The following STRBP variants were observed in gnomAD, a reference collection of about 807,000 sequenced individuals.
STRBP encodes spermatid perinuclear RNA binding protein.
Under a neutral mutation model 80.1 loss-of-function variants are expected in STRBP, and 13 were observed. The observed-to-expected ratio is 0.16, with a 90% CI of 0.11 to 0.26. The LOEUF is 0.26. Ranked by LOEUF, STRBP falls within the 10% of genes least tolerant of loss-of-function variation. The pLI, the probability that STRBP is intolerant of heterozygous loss-of-function variation, is 1.00. For synonymous variants in STRBP, 284 were observed against 291.2 expected (o/e 0.98, Z 0.25); for missense variants, 485 against 815.2 (o/e 0.59, Z 4.93).
At position 123,184,271 on chromosome 9, in the gene STRBP, G is replaced by T; in HGVS notation, c.-137C>A. On this transcript the variant is annotated 5_prime_UTR_variant, in exon 3 of 19. Coordinates refer to ENST00000348403, the MANE Select transcript of STRBP (RefSeq NM_018387.5). ...ACAGCTCAGCGTCAATATAGCAAAT[G>T]TCTGAAGGCTTGTTCTCTGGAACAC... 1 of 730,056 alleles carries T rather than the reference G, an allele frequency of 1.4e-6. No homozygotes were observed. 45.2% of individuals were successfully genotyped at this position (730,056 alleles called of 1,614,324 possible).
chr9:123,210,136 A>G (rs985378448), intron 2 of STRBP, among the ~76,000 whole-genome samples: 1 of 152,228 alleles, frequency 6.6e-6, no homozygotes, highest in African/African-American at 2.4e-5. Context: ...TATCTTCTTC[A>G]TCTATTCTAC....
chr9:123,212,284 C>T (rs1283218345), intron 2 of STRBP, among the ~76,000 whole-genome samples: 2 of 152,130 alleles, frequency 1.3e-5, no homozygotes, highest in African/African-American at 2.4e-5. Context: ...ACTTTATATT[C>T]ACCTACCTCT....
intron 5 of STRBP, among the ~76,000 whole-genome samples, chr9:123,170,494 T>C (rs1008607485): frequency 3.3e-5 from 5 of 152,202 alleles, no homozygotes; most frequent in Non-Finnish European, 4.4e-5. Context: ...CTTATGAATA[T>C]AGGATTATGG....
chr9:123,112,915 G>C (rs972696492), intron 3 of STRBP: 1 of 167,074 alleles, frequency 6.0e-6, no homozygotes, highest in African/African-American at 2.4e-5. Flanking sequence ...GCCCCAAGCC[G>C]AACTTAGATT....
chr9:123,231,139 C>T (rs1000425047), intron 2 of STRBP, among the ~76,000 whole-genome samples: 7 of 152,028 alleles, frequency 4.6e-5, no homozygotes, highest in African/African-American at 1.7e-4. Flanking sequence ...GGGTGGGATC[C>T]AGGTTATCAG....
chr9:123,169,924 G>A lies in STRBP; in HGVS notation c.513C>T (p.Asp171=), dbSNP rs1168874047. The change falls in exon 6 of 19, where the codon GAC becomes GAT. Residue 171 remains aspartate (D), a synonymous_variant. Transcript: ENST00000348403. ...KVILTSPLIR[D]ELEKKDGENV... is the part of the protein sequence containing the mutation. ...TACCTCCATCCTTCTTCTCCAATTC[G>A]TCCCTAATTAGAGGTGAGGTAAGTA... 15 of 1,566,684 alleles carry A rather than the reference G, an allele frequency of 9.6e-6. No homozygotes were observed. The highest frequency in any genetic ancestry group is 2.3e-5 in the East Asian group (1 of 43,216).
intron 13 of STRBP, among the ~76,000 whole-genome samples, chr9:123,141,245 G>T (rs185174630): frequency 6.6e-6 from 1 of 152,240 alleles, no homozygotes; most frequent in African/African-American, 2.4e-5. Context: ...CTACATAGAA[G>T]TCTGTACCAA....
At chr9:123,167,210 G>T (rs1386203054) in intron 6 of STRBP, among the ~76,000 whole-genome samples, 1 of 151,770 alleles carries the variant, frequency 6.6e-6, no homozygotes, top group African/African-American at 2.4e-5. Context: ...TGAACAGTTT[G>T]TTTGGGTGGG....
chr9:123,200,087 T>C (rs2039258924), intron 2 of STRBP, among the ~76,000 whole-genome samples: 1 of 152,194 alleles, frequency 6.6e-6, no homozygotes, highest in South Asian at 2.1e-4. Flanking sequence ...TATCATAAAG[T>C]GTGCTGGATT....
intron 2 of STRBP, among the ~76,000 whole-genome samples, chr9:123,200,923 G>C (rs942317229): frequency 6.6e-6 from 1 of 150,926 alleles, no homozygotes; most frequent in Non-Finnish European, 1.5e-5. Flanking sequence ...GCTTGTTATT[G>C]GTCTGTTCAA....
At chr9:123,200,408 A>G (rs1455320381) in intron 2 of STRBP, among the ~76,000 whole-genome samples, 1 of 151,970 alleles carries the variant, frequency 6.6e-6, no homozygotes, top group Non-Finnish European at 1.5e-5. Flanking sequence ...CTAGTTTTCT[A>G]ATTAGGGTGA....
chr9:123,243,879 G>A (rs1217143725), intron 1 of STRBP, among the ~76,000 whole-genome samples: 1 of 152,154 alleles, frequency 6.6e-6, no homozygotes, highest in Admixed American at 6.5e-5. Flanking sequence ...AAGGCTAAAT[G>A]TAGTCTTACA....
Position 123,123,922 on chromosome 9 carries a change from T to G in STRBP, c.*1675A>C. The G allele has an allele frequency of 1.0e-6, 1 of 985,432 alleles. No homozygotes were observed. The highest frequency in any genetic ancestry group is 1.2e-6 in the Non-Finnish European group (1 of 829,938). 61.0% of individuals were successfully genotyped at this position (985,432 alleles called of 1,614,324 possible). On this transcript the variant is annotated 3_prime_UTR_variant, in exon 19 of 19. Coordinates refer to ENST00000348403, the MANE Select transcript of STRBP (RefSeq NM_018387.5). ...GCTGAAATGGGCCCTCTTGTTTATG[T>G]CTAGCCACTAATGCACAGGATGAGA... is the stretch of plus-strand genomic sequence containing the variant.
chr9:123,251,005 T>C (rs2040903035), intron 1 of STRBP, among the ~76,000 whole-genome samples: 2 of 152,086 alleles, frequency 1.3e-5, no homozygotes, highest in African/African-American at 2.4e-5. Context: ...GGTAATCCTG[T>C]AATCCTAACT....
chr9:123,179,249 C>T (rs989686158), intron 3 of STRBP, 22 bp from the exon 4 acceptor site: 1 of 1,578,072 alleles, frequency 6.3e-7, no homozygotes, highest in Admixed American at 1.7e-5. Context: ...AGAACGAAAA[C>T]AATTACTTCA....
chr9:123,224,265 TG>T (rs1447091062), intron 2 of STRBP, among the ~76,000 whole-genome samples: 1 of 152,194 alleles, frequency 6.6e-6, no homozygotes, highest in Non-Finnish European at 1.5e-5. Context: ...AAATCTTTTT[TG>T]TAACTATTTC....
intron 1 of STRBP, among the ~76,000 whole-genome samples, chr9:123,238,415 A>G (rs1287409860): frequency 6.6e-6 from 1 of 152,268 alleles, no homozygotes; most frequent in East Asian, 1.9e-4. Flanking sequence ...TAGGAGATAT[A>G]CAATTAAACC....
rs1381784639 is a variant in STRBP, at chr9:123,115,349, C to T, written c.*84+580G>A. 4.2e-6 allele frequency: 2 copies of T among 471,092 alleles called. No homozygotes were observed. Among genetic ancestry groups the T allele is most frequent in the East Asian group, 1.4e-4 (2 of 14,372 alleles). The allele number at this position is 471,092 out of a possible 1,614,324, so 29.2% of individuals were successfully genotyped here. On this transcript the variant is annotated intron_variant and NMD_transcript_variant, in intron 3 of 3. Coordinates refer to the STRBP transcript ENST00000471564. This position sits in a 1 kb window ranked among gnomAD's most constrained non-coding sequence, Gnocchi z 5.0. The stretch of plus-strand genomic sequence containing the variant: ...TCCTCTCCTGCCCTCGGCGGGAGAC[C>T]TGGGAACGGGCCTGCCAGCGCCCAG...
Position 123,123,419 on chromosome 9 carries a change from TCTAACAAAGGA to T in STRBP, c.*2167_*2177del. ...CAGTTGAACTTGCATGGTTACCACT[TCTAACAAAGGA>T]CTGACAGCTCGATTATTTTAAGTAA... On this transcript the variant is annotated 3_prime_UTR_variant, in exon 19 of 19. Coordinates refer to ENST00000348403, the MANE Select transcript of STRBP (RefSeq NM_018387.5). The T allele has an allele frequency of 1.0e-6, 1 of 985,308 alleles. No individual in the cohort carries two copies. The allele number at this position is 985,308 out of a possible 1,614,324, so 61.0% of individuals were successfully genotyped here. A position where few individuals can be genotyped will look rare whatever the true frequency, so the allele number is the denominator to read the frequency against.
Sources: allele counts gnomAD v4.1 joint callset (sites outside exome capture counted in the v4.1 genomes callset), GRCh38; gene constraint gnomAD v4.1.1; non-coding constraint Gnocchi (gnomAD v3.1); transcripts MANE v1.5; gene names NCBI Gene and HGNC (gene_info 2026-07-23, HGNC 2026-07-21).